The following ALPL variants were observed in gnomAD, a reference collection of about 807,000 sequenced individuals.
The protein encoded by ALPL is alkaline phosphatase, tissue-nonspecific isozyme.
Under a neutral mutation model 51.3 loss-of-function variants are expected in ALPL, and 42 were observed. That is an observed-to-expected ratio of 0.82 (90% CI 0.64 to 1.06). ALPL has a LOEUF of 1.06. ALPL is among the 50% of genes least tolerant of loss of function. The pLI is 0.00. For missense variants in ALPL, 589 were observed against 709.4 expected, an observed-to-expected ratio of 0.83 and a Z score of 1.93; for synonymous variants, 279 against 296.4, an observed-to-expected ratio of 0.94 and a Z score of 0.60.
In ALPL at chr1:21,563,138, A is replaced by T; in HGVS notation, c.326A>T (p.Asp109Val). 1 of 1,613,706 alleles carries T rather than the reference A, an allele frequency of 6.2e-7. No homozygotes were observed. The highest frequency in any genetic ancestry group is 8.5e-7 in the Non-Finnish European group (1 of 1,180,010). ...TACAACACCAATGCCCAGGTCCCTG[A>T]CAGTGCCGGCACCGCCACCGCCTAC... ...KTYNTNAQVPDSAGTATAYLC... is the reference protein window; with the variant it reads ...KTYNTNAQVPVSAGTATAYLC... The change falls in exon 5 of 12, where the codon GAC becomes GTC. Residue 109 changes from aspartate (D) to valine (V), a missense_variant. Transcript: ENST00000374840.
intron 1 of ALPL, among the ~76,000 whole-genome samples, chr1:21,530,063 C>T (rs1000473736): frequency 2.6e-5 from 4 of 152,168 alleles, no homozygotes; most frequent in African/African-American, 9.7e-5. Flanking sequence ...GTGTGAGCCA[C>T]CGCATCTGGT....
chr1:21,572,628 C>T (rs903027250), intron 8 of ALPL, among the ~76,000 whole-genome samples: 1 of 152,098 alleles, frequency 6.6e-6, no homozygotes, highest in Non-Finnish European at 1.5e-5. Context: ...GCATGTGGCA[C>T]CAAGTGAACC....
intron 2 of ALPL, among the ~76,000 whole-genome samples, chr1:21,554,822 T>C (rs1178610208): frequency 9.8e-6 from 1 of 101,636 alleles, no homozygotes; most frequent in Non-Finnish European, 2.1e-5. Flanking sequence ...TCTGTCTTTC[T>C]TTCTTTCTTT....
chr1:21,521,426 C>A (rs766432507), intron 1 of ALPL, among the ~76,000 whole-genome samples: 6 of 152,162 alleles, frequency 3.9e-5, no homozygotes, highest in Non-Finnish European at 8.8e-5. Flanking sequence ...CTCAGGTGAT[C>A]CACTTGCCTT....
At chr1:21,526,593 G>A (rs963846197) in intron 1 of ALPL, among the ~76,000 whole-genome samples, 2 of 152,012 alleles carry the variant, frequency 1.3e-5, no homozygotes, top group African/African-American at 4.8e-5. Flanking sequence ...CTAAGTGTAG[G>A]GGTAATGATT....
At position 21,564,126 on chromosome 1, in the gene ALPL, G is replaced by A. The variant is rs2148161624; in HGVS notation, c.558G>A (p.Trp186Ter). ...AAYAHSADRD[W>*]YSDNEMPPEA... Reference sequence around the variant, plus strand: ...ACGCCCACTCGGCTGACCGGGACTGGTACTCAGACAACGAGATGCCCCCTG... The same window carrying A: ...ACGCCCACTCGGCTGACCGGGACTGATACTCAGACAACGAGATGCCCCCTG... Residue 186 changes from tryptophan (W) to a stop codon, truncating the protein, a stop_gained, in exon 6 of 12, where the codon TGG becomes TGA. Transcript: ENST00000374840. LOFTEE classifies it high-confidence loss of function. The surrounding 1 kb of genome is among the most constrained non-coding windows in gnomAD (Gnocchi z 5.8). The A allele has an allele frequency of 1.2e-6, 2 of 1,614,110 alleles. No individual in the cohort carries two copies. Among genetic ancestry groups the A allele is most frequent in the Non-Finnish European group, 8.5e-7 (1 of 1,180,016 alleles).
In ALPL at chr1:21,570,385, G is replaced by A. The variant is rs1447217092; in HGVS notation, c.862+11G>A. The A allele has an allele frequency of 1.2e-6, 2 of 1,613,476 alleles. No homozygotes were observed. Among genetic ancestry groups the A allele is most frequent in the East Asian group, 2.2e-5 (1 of 44,866 alleles). On this transcript the variant is annotated intron_variant, in intron 8 of 11. Transcript: ENST00000374840. Reference sequence around the variant, plus strand: ...TGGACTACCTATTGGGTAAGTGGAGGGGGTGGAGGGGAGGATGCATGGCTC... The same window carrying A: ...TGGACTACCTATTGGGTAAGTGGAGAGGGTGGAGGGGAGGATGCATGGCTC...
chr1:21,553,802 G>C (rs1419252986), intron 1 of ALPL, among the ~76,000 whole-genome samples, 176 bp from the exon 2 acceptor site: 6 of 152,234 alleles, frequency 3.9e-5, no homozygotes, highest in Non-Finnish European at 8.8e-5. Flanking sequence ...GTGTGGTTAA[G>C]CTTCCTGAGA....
chr1:21,531,059 T>C (rs192645919), intron 1 of ALPL, among the ~76,000 whole-genome samples: 2 of 150,548 alleles, frequency 1.3e-5, no homozygotes, highest in South Asian at 2.1e-4. Flanking sequence ...GTTCAAGCAA[T>C]TCTCGTGCCT....
chr1:21,551,190 C>T (rs1003381141), intron 1 of ALPL: 2 of 152,162 alleles, frequency 1.3e-5, no homozygotes, highest in African/African-American at 4.8e-5. Context: ...CCACAACCTT[C>T]CTTAGGGCAC....
In ALPL at chr1:21,568,350, C is replaced by T. The variant is rs192238686; in HGVS notation, c.792+103C>T. 586 of 1,519,310 alleles carry T rather than the reference C, an allele frequency of 3.9e-4. No homozygotes were observed. The African/African-American group carries it at 5.3e-3, about 14-fold the overall frequency. 94.1% of individuals were successfully genotyped at this position (1,519,310 alleles called of 1,614,324 possible). On this transcript the variant is annotated intron_variant, in intron 7 of 11. Transcript: ENST00000374840. ...CTGTTGTCCTCTGTAGAAAGGGCAT[C>T]GGAAATCTTTCCTCCATGGGCTCAA...
chr1:21,527,447 T>A (rs1643963001), intron 1 of ALPL, among the ~76,000 whole-genome samples: 1 of 152,230 alleles, frequency 6.6e-6, no homozygotes, highest in African/African-American at 2.4e-5. Context: ...CCTAATTAAA[T>A]CATTCCTTTA....
intron 8 of ALPL, among the ~76,000 whole-genome samples, chr1:21,572,098 G>T (rs946324014): frequency 6.6e-6 from 1 of 152,244 alleles, no homozygotes; most frequent in Non-Finnish European, 1.5e-5. Flanking sequence ...GCTGCAGTGA[G>T]CTATGATCAT....
Position 21,548,801 on chromosome 1 carries a change from A to G in ALPL, c.-104-5177A>G, listed in dbSNP as rs369519342. ...ATTCCCACAGCTCACCGAAGTCCCT[A>G]TGCTAATGTACTTAATATGGCCTTG... On this transcript the variant is annotated intron_variant, in intron 1 of 11. Coordinates refer to ENST00000374840, the MANE Select transcript of ALPL (RefSeq NM_000478.6). Among the ~76,000 whole-genome samples the G allele has an allele frequency of 7.2e-5, 11 of 152,208 alleles. No individual in the cohort carries two copies. In the East Asian group the frequency reaches 1.4e-3, roughly 19 times the overall value.
intron 1 of ALPL, among the ~76,000 whole-genome samples, chr1:21,531,484 T>G (rs1162071804): frequency 6.6e-6 from 1 of 152,184 alleles, no homozygotes; most frequent in African/African-American, 2.4e-5. Flanking sequence ...TGATAAGCCA[T>G]AAGTTAATTG....
At chr1:21,530,505 C>T (rs1314522505) in intron 1 of ALPL, among the ~76,000 whole-genome samples, 3 of 152,112 alleles carry the variant, frequency 2.0e-5, no homozygotes, top group East Asian at 1.9e-4. Context: ...ATTGCCAGGA[C>T]GGGAATCCCT....
intron 1 of ALPL, among the ~76,000 whole-genome samples, chr1:21,536,468 T>G (rs1163055682): frequency 2.0e-5 from 3 of 152,182 alleles, no homozygotes; most frequent in African/African-American, 7.2e-5. Flanking sequence ...TTGGCTCATG[T>G]AGCCAGGATG....
chr1:21,531,431 A>G (rs1040934942), intron 1 of ALPL, among the ~76,000 whole-genome samples: 9 of 152,178 alleles, frequency 5.9e-5, no homozygotes, highest in Middle Eastern at 3.2e-3. Context: ...GGGCTGCTTT[A>G]TGCAAGATAC....
At chr1:21,557,237 T>C (rs1478250991) in intron 2 of ALPL, among the ~76,000 whole-genome samples, 1 of 152,226 alleles carries the variant, frequency 6.6e-6, no homozygotes, top group Admixed American at 6.5e-5. Context: ...CCAGTGGGGA[T>C]GAGTTCCTCC....
Sources: gnomAD v4.1 joint callset for allele counts (sites outside exome capture counted in the v4.1 genomes callset) on GRCh38, gnomAD v4.1.1 for gene constraint, Gnocchi (gnomAD v3.1) non-coding constraint, MANE v1.5 for transcripts, NCBI Gene and HGNC (gene_info 2026-07-23, HGNC 2026-07-21) for gene names.